The following DUSP15 variants were observed in gnomAD, a reference collection of about 807,000 sequenced individuals.
DUSP15 encodes the protein dual specificity protein phosphatase 15.
DUSP15 carries 23 observed loss-of-function variants against 26.3 expected under a neutral mutation model. The observed-to-expected ratio is 0.87, with a 90% confidence interval of 0.63 to 1.24. The LOEUF is 1.24. Among genes scored for constraint, DUSP15 ranks in the 50% most tolerant of loss-of-function variants. The pLI is 0.00. For missense variants in DUSP15, 364 were observed against 320.6 expected (o/e 1.14, Z -1.03); for synonymous variants, 143 against 135.5 (o/e 1.06, Z -0.39).
At chr20:31,864,812 G>T in intron 4 of DUSP15, 141 bp downstream of exon 4, 1 of 890,080 alleles carries the variant, frequency 1.1e-6, no homozygotes, top group Non-Finnish European at 1.8e-6. Context: ...TTGAGACAGA[G>T]TCAAACCTGG....
chr20:31,849,656 C>T (rs1328431653), intron 8 of DUSP15: 1 of 1,528,400 alleles, frequency 6.5e-7, no homozygotes, highest in Non-Finnish European at 8.8e-7. Context: ...TCCGGAGCCA[C>T]CCAGAGCTGC....
chr20:31,867,234 C>G, intron 2 of DUSP15, 81 bp from the exon 3 acceptor site: 1 of 1,262,266 alleles, frequency 7.9e-7, no homozygotes. Context: ...CACTGCCTGC[C>G]CAGCTCTCCC....
chr20:31,870,422 C>T lies in DUSP15; in HGVS notation c.-85G>A, dbSNP rs2062897189. 1 of 1,293,910 alleles carries T rather than the reference C, an allele frequency of 7.7e-7. No individual in the cohort carries two copies. The highest frequency in any genetic ancestry group is 9.8e-7 in the Non-Finnish European group (1 of 1,024,760). 80.2% of individuals were successfully genotyped at this position (1,293,910 alleles called of 1,614,324 possible). A position where few individuals can be genotyped will look rare whatever the true frequency, so the allele number is the denominator to read the frequency against. On this transcript the variant is annotated 5_prime_UTR_variant, in exon 1 of 7. Coordinates refer to ENST00000339738, the MANE Select transcript of DUSP15 (RefSeq NM_080611.5). The surrounding 1 kb of genome is among the most constrained non-coding windows in gnomAD (Gnocchi z 6.6). Reference sequence around the variant, plus strand: ...CACAGCTGCCCTGACGGCCCAGGCCCGACGCCTGCAGCCTGGCGGGGAACG... The same window carrying T: ...CACAGCTGCCCTGACGGCCCAGGCCTGACGCCTGCAGCCTGGCGGGGAACG...
intron 2 of DUSP15, among the ~76,000 whole-genome samples, chr20:31,867,686 C>T (rs1013229238): frequency 1.6e-5 from 2 of 124,750 alleles, no homozygotes; most frequent in Non-Finnish European, 3.1e-5. Context: ...GCTCTCTCTC[C>T]CAGGCTGGAG....
In DUSP15 at chr20:31,861,192, A is replaced by C; in HGVS notation, c.*211T>G. The C allele has an allele frequency of 1.5e-6, 2 of 1,311,226 alleles. No homozygotes were observed. The highest frequency in any genetic ancestry group is 3.5e-5 in the East Asian group (1 of 28,634). The allele number at this position is 1,311,226 out of a possible 1,614,324, so 81.2% of individuals were successfully genotyped here. A position where few individuals can be genotyped will look rare whatever the true frequency, so the allele number is the denominator to read the frequency against. ...CCCCCAGCCCAAGGACTAAGGCACCAGGTGGCTGCAGCAGGCCGGCCCGGA... is the reference window on the plus strand; with the variant it reads ...CCCCCAGCCCAAGGACTAAGGCACCCGGTGGCTGCAGCAGGCCGGCCCGGA... On this transcript the variant is annotated 3_prime_UTR_variant, in exon 7 of 7. Transcript: ENST00000339738.
chr20:31,848,889 G>A (rs1485337896), exon 9 of DUSP15: 1 of 1,611,762 alleles, frequency 6.2e-7, no homozygotes, highest in Admixed American at 1.7e-5. Context: ...TGGTACTTTG[G>A]GTCCGGTGAC....
upstream of DUSP15, chr20:31,870,660 A>G (rs2062906700): frequency 4.8e-6 from 6 of 1,248,256 alleles, no homozygotes. This position sits in a 1 kb window ranked among gnomAD's most constrained non-coding sequence, Gnocchi z 6.6. Flanking sequence ...GGCCCGCGGG[A>G]CAACGGCAGT....
intron 6 of DUSP15, among the ~76,000 whole-genome samples, chr20:31,852,388 A>G (rs939126707): frequency 6.6e-6 from 1 of 152,194 alleles, no homozygotes; most frequent in African/African-American, 2.4e-5. Flanking sequence ...TTTAAGCTCA[A>G]TGAGTCCACC....
chr20:31,851,227 A>G (rs1371095866), intron 6 of DUSP15, among the ~76,000 whole-genome samples: 1 of 151,838 alleles, frequency 6.6e-6, no homozygotes, highest in Non-Finnish European at 1.5e-5. Flanking sequence ...GTAAATGCGG[A>G]GGTGAGGGAG....
intron 8 of DUSP15, chr20:31,849,639 C>G: frequency 6.6e-7 from 1 of 1,518,688 alleles, no homozygotes; most frequent in Non-Finnish European, 8.8e-7. Context: ...GCTTGGTGAA[C>G]ACGCCCTCCG....
At chr20:31,866,678 C>A (rs1171945419) in intron 3 of DUSP15, among the ~76,000 whole-genome samples, 2 of 152,214 alleles carry the variant, frequency 1.3e-5, no homozygotes. Context: ...GCTGAGGGAT[C>A]AAAGCCCTAG....
chr20:31,852,076 C>T (rs927774771), intron 6 of DUSP15, among the ~76,000 whole-genome samples: 11 of 149,958 alleles, frequency 7.3e-5, no homozygotes, highest in Non-Finnish European at 1.3e-4. Context: ...GGTGCGATCT[C>T]GGCTCACTGC....
At position 31,861,279 on chromosome 20, in the gene DUSP15, A is replaced by G; in HGVS notation, c.*124T>C. 1.5e-6 allele frequency: 2 copies of G among 1,362,594 alleles called. No individual in the cohort carries two copies. The highest frequency in any genetic ancestry group is 3.4e-5 in the South Asian group (2 of 58,152). The allele number at this position is 1,362,594 out of a possible 1,614,324, so 84.4% of individuals were successfully genotyped here. ...CGCGGACGAGCAGGGCGGGCGCGGG[A>G]GGCAGGGTTCAGGCCGCCGCGGGGC... On this transcript the variant is annotated 3_prime_UTR_variant, in exon 7 of 7. Coordinates refer to ENST00000339738, the MANE Select transcript of DUSP15 (RefSeq NM_080611.5).
chr20:31,869,686 G>T (rs1422242685), intron 1 of DUSP15, 89 bp from the exon 2 acceptor site: 2 of 1,560,196 alleles, frequency 1.3e-6, no homozygotes, highest in African/African-American at 2.7e-5. Flanking sequence ...GCCCCTCTCT[G>T]TCCCATGAAG....
At chr20:31,848,829 T>C in exon 9 of DUSP15, 1 of 1,612,092 alleles carries the variant, frequency 6.2e-7, no homozygotes, top group Non-Finnish European at 8.5e-7. Flanking sequence ...AGCTGCTCCT[T>C]GGGGTGCTGT....
In DUSP15 at chr20:31,870,439, C is replaced by T; in HGVS notation, c.-102G>A. The stretch of plus-strand genomic sequence containing the variant: ...CCCAGGCCCGACGCCTGCAGCCTGG[C>T]GGGGAACGGGGGGCCTGGCGTCCGC... On this transcript the variant is annotated 5_prime_UTR_variant, in exon 1 of 7. Coordinates refer to ENST00000339738, the MANE Select transcript of DUSP15 (RefSeq NM_080611.5). The surrounding 1 kb of genome is among the most constrained non-coding windows in gnomAD (Gnocchi z 6.6). The T allele has an allele frequency of 7.8e-7, 1 of 1,287,934 alleles. No homozygotes were observed. The highest frequency in any genetic ancestry group is 2.8e-5 in the South Asian group (1 of 35,946). 79.8% of individuals were successfully genotyped at this position (1,287,934 alleles called of 1,614,324 possible).
chr20:31,863,878 C>T (rs776870247), intron 5 of DUSP15, 29 bp downstream of exon 5: 3 of 1,607,662 alleles, frequency 1.9e-6, no homozygotes, highest in Admixed American at 1.7e-5. Context: ...TCCTTCCTCC[C>T]CCACCTTATC....
At chr20:31,849,771 G>T (rs1353724978) in exon 8 of DUSP15, 4 of 1,539,926 alleles carry the variant, frequency 2.6e-6, no homozygotes, top group Middle Eastern at 1.7e-4. Flanking sequence ...CCCAGCAGGC[G>T]CTCGGCGGCC....
chr20:31,848,416 A>G, exon 10 of DUSP15: 1 of 1,611,682 alleles, frequency 6.2e-7, no homozygotes, highest in Non-Finnish European at 8.5e-7. Flanking sequence ...AGCGGGTACA[A>G]GAAGAGGAAG....
Sources: gnomAD v4.1 joint callset for allele counts (sites outside exome capture counted in the v4.1 genomes callset) on GRCh38, gnomAD v4.1.1 for gene constraint, Gnocchi (gnomAD v3.1) non-coding constraint, MANE v1.5 for transcripts, NCBI Gene and HGNC (gene_info 2026-07-23, HGNC 2026-07-21) for gene names.